MIER2: variants seen among roughly 807,000 people sequenced by gnomAD.
The protein encoded by MIER2 is mesoderm induction early response protein 2.
A neutral mutation model predicts 67.6 loss-of-function variants in MIER2; 30 were observed. The observed-to-expected ratio is 0.44, with a 90% CI of 0.33 to 0.60. The LOEUF (loss-of-function observed/expected upper bound fraction) is 0.60. MIER2 is among the 20% of genes least tolerant of loss of function. The probability of loss-of-function intolerance (pLI) is 0.02; values close to 1 mark genes in which losing one functional copy is unlikely to be tolerated. For missense variants in MIER2, 702 were observed against 745.1 expected (o/e 0.94, Z 0.67); for synonymous variants, 372 against 312.6 (o/e 1.19, Z -2.00).
intron 7 of MIER2, among the ~76,000 whole-genome samples, chr19:319,020 G>A (rs1253087432): frequency 2.1e-5 from 3 of 145,224 alleles, no homozygotes; most frequent in Admixed American, 7.1e-5. Context: ...TCACGCCACT[G>A]CACTCCAGCC....
chr19:306,732 G>A, intron 13 of MIER2, 21 bp from the exon 14 acceptor site: 1 of 1,557,426 alleles, frequency 6.4e-7, no homozygotes, highest in Non-Finnish European at 8.7e-7. Context: ...GAGACCAAGA[G>A]AGACGCAGAG....
chr19:342,552 T>C (rs1972553845), intron 1 of MIER2, among the ~76,000 whole-genome samples: 2 of 150,474 alleles, frequency 1.3e-5, no homozygotes. Context: ...TGAAAAGCCA[T>C]GGAGGGTTTT....
chr19:326,416 A>G (rs1267052111), intron 6 of MIER2, 91 bp downstream of exon 6: 1 of 1,189,156 alleles, frequency 8.4e-7, no homozygotes, highest in African/African-American at 1.5e-5. Context: ...CAGGCTGGGG[A>G]GACGGCAGAG....
intron 1 of MIER2, chr19:343,877 C>A (rs1192771939): frequency 1.0e-6 from 1 of 985,304 alleles, no homozygotes; most frequent in Non-Finnish European, 1.2e-6. Flanking sequence ...TCATCCACCA[C>A]TCCAAAATCA....
intron 7 of MIER2, among the ~76,000 whole-genome samples, chr19:323,098 C>A (rs4897851): frequency 0.063 from 9,611 of 151,606 alleles, 787 homozygotes; most frequent in African/African-American, 0.18. Flanking sequence ...CACACAACCA[C>A]GCAGACGACT....
intron 1 of MIER2, chr19:344,366 C>A: frequency 1.0e-6 from 1 of 984,908 alleles, no homozygotes; most frequent in Non-Finnish European, 1.2e-6. Flanking sequence ...GCAAAGTTGG[C>A]AAAGGCGCGG....
chr19:322,566 C>T (rs1971545901), intron 7 of MIER2, among the ~76,000 whole-genome samples: 1 of 152,022 alleles, frequency 6.6e-6, no homozygotes, highest in African/African-American at 2.4e-5. Context: ...ATCCAAATGG[C>T]CAGTACACCT....
chr19:319,055 CAAAAAAA>C (rs71171975), intron 7 of MIER2, among the ~76,000 whole-genome samples: 146 of 129,712 alleles, frequency 1.1e-3, no homozygotes, highest in Admixed American at 2.3e-3. Flanking sequence ...GACTCTGTCT[CAAAAAAA>C]AAAAAAAAAT....
intron 7 of MIER2, among the ~76,000 whole-genome samples, chr19:315,237 C>A (rs536704003): frequency 1.3e-5 from 2 of 152,000 alleles, no homozygotes; most frequent in Non-Finnish European, 2.9e-5. Flanking sequence ...TGGTCATGGG[C>A]GCCTGTAATC....
At chr19:315,361 G>A (rs139052579) in intron 7 of MIER2, among the ~76,000 whole-genome samples, 313 of 152,346 alleles carry the variant, frequency 2.1e-3, no homozygotes, top group African/African-American at 7.1e-3. Flanking sequence ...GCGAGACTCC[G>A]TCTCAAACAA....
intron 7 of MIER2, among the ~76,000 whole-genome samples, chr19:317,541 A>AATAAATAC (rs1568223024): frequency 6.9e-6 from 1 of 144,396 alleles, no homozygotes; most frequent in African/African-American, 2.6e-5. Context: ...AAAATAAATA[A>AATAAATAC]ATAAATAAAT....
chr19:343,948 G>A (rs1279530517), intron 1 of MIER2: 3 of 985,288 alleles, frequency 3.0e-6, no homozygotes, highest in African/African-American at 3.5e-5. Context: ...GAAGCTATCT[G>A]TTGTCTTATC....
intron 7 of MIER2, among the ~76,000 whole-genome samples, chr19:321,903 T>C (rs1568226323): frequency 6.6e-6 from 1 of 152,054 alleles, no homozygotes; most frequent in Non-Finnish European, 1.5e-5. Context: ...TTTTTATTTT[T>C]ATTTTTATTT....
In MIER2 at chr19:338,719, G is replaced by A. The variant is rs150776628; in HGVS notation, c.10-2546C>T. On this transcript the variant is annotated intron_variant, in intron 1 of 13. Coordinates refer to ENST00000264819, the MANE Select transcript of MIER2 (RefSeq NM_017550.3). ...CCATAAGGACAGCACAAAGATCAAC[G>A]AACTAGAACTGAGAATCCAGAAATA... is the stretch of plus-strand genomic sequence containing the variant. Among the ~76,000 whole-genome samples the A allele has an allele frequency of 4.5e-4, 68 of 152,256 alleles. 1 individual carries two copies. The East Asian group carries it at 0.013, about 28-fold the overall frequency.
At chr19:320,138 G>T (rs1600136323) in intron 7 of MIER2, among the ~76,000 whole-genome samples, 1 of 152,060 alleles carries the variant, frequency 6.6e-6, no homozygotes, top group Non-Finnish European at 1.5e-5. Context: ...ACTCTGGGGG[G>T]CTGAGGCGGA....
intron 1 of MIER2, among the ~76,000 whole-genome samples, chr19:340,978 G>A (rs1387833817): frequency 6.6e-6 from 1 of 152,214 alleles, no homozygotes; most frequent in African/African-American, 2.4e-5. Context: ...CTCCTGCCCT[G>A]GGGTTGGCCT....
intron 12 of MIER2, among the ~76,000 whole-genome samples, chr19:307,926 C>T (rs181036558): frequency 2.6e-5 from 3 of 115,508 alleles, no homozygotes; most frequent in Admixed American, 2.4e-4. Context: ...TTTGTTCCCA[C>T]AGGCAGCGCA....
chr19:306,257 C>G lies in MIER2; in HGVS notation c.*433G>C, dbSNP rs1057256965. ...TGGAGAGACAGAGCCAAGCAGGGAG[C>G]TGAGGGCGCCCCGGCGGAGGCTGCT... On this transcript the variant is annotated 3_prime_UTR_variant, in exon 14 of 14. Transcript: ENST00000264819. 3 of 201,600 alleles carry G rather than the reference C, an allele frequency of 1.5e-5. No individual in the cohort carries two copies. Among genetic ancestry groups the G allele is most frequent in the Non-Finnish European group, 3.0e-5 (3 of 100,654 alleles). 12.5% of individuals were successfully genotyped at this position (201,600 alleles called of 1,614,324 possible). A position where few individuals can be genotyped will look rare whatever the true frequency, so the allele number is the denominator to read the frequency against.
intron 12 of MIER2, among the ~76,000 whole-genome samples, chr19:307,814 G>GGGGC (rs146958734): frequency 1.7e-5 from 2 of 120,084 alleles, no homozygotes; most frequent in African/African-American, 7.8e-5. Context: ...AAACAATGCC[G>GGGGC]GGGGCACTGC....
Sources: gnomAD v4.1 joint callset for allele counts (sites outside exome capture counted in the v4.1 genomes callset) on GRCh38, gnomAD v4.1.1 for gene constraint, MANE v1.5 for transcripts, NCBI Gene and HGNC (gene_info 2026-07-23, HGNC 2026-07-21) for gene names.